PGA4: variants seen among roughly 807,000 people sequenced by gnomAD.
PGA4 encodes the protein pepsinogen A4, also known as pepsin A-4.
For synonymous variants in PGA4, 4 were observed against 8.7 expected (o/e 0.46, Z 0.95); for missense variants, 7 against 20.3 (o/e 0.35, Z 1.26).
rs370061095 is a variant in PGA4, at chr11:61,230,596, T to G, written c.1017+332T>G. The G allele has an allele frequency of 3.2e-3, 978 of 309,118 alleles. 65 individuals are homozygous for G. Among genetic ancestry groups the G allele is most frequent in the African/African-American group, 0.015 (296 of 19,232 alleles). 19.1% of individuals were successfully genotyped at this position (309,118 alleles called of 1,614,324 possible). On this transcript the variant is annotated intron_variant, in intron 8 of 8. Coordinates refer to ENST00000378149, the MANE Select transcript of PGA4 (RefSeq NM_001079808.6). ...ACAGCTCATCTCACCCTCAGTTTTC[T>G]CATCCAAAAAGTAGAGATGGCAGCT... is the stretch of plus-strand genomic sequence containing the variant.
Position 61,230,002 on chromosome 11 carries a change from C to T in PGA4, c.857C>T (p.Pro286Leu). ...ACCGGCACCTCTCTGCTGACCGGCC[C>T]AACCAGCCCCATTGCCAACATCCAG... ...VDTGTSLLTG[P>L]TSPIANIQSD... The change falls in exon 7 of 9, where the codon CCA becomes CTA. Residue 286 changes from proline (P) to leucine (L), a missense_variant. By Grantham distance (98) the Pro-to-Leu change is moderately conservative (BLOSUM62 -3). Coordinates refer to ENST00000378149, the MANE Select transcript of PGA4 (RefSeq NM_001079808.6). 6.3e-6 allele frequency: 1 copy of T among 159,096 alleles called. No homozygotes were observed. Among genetic ancestry groups the T allele is most frequent in the Non-Finnish European group, 9.6e-6 (1 of 103,954 alleles). 9.9% of individuals were successfully genotyped at this position (159,096 alleles called of 1,614,324 possible).
chr11:61,229,778 T>G, intron 6 of PGA4, 141 bp from the exon 7 acceptor site: 2 of 9,684 alleles, frequency 2.1e-4, no homozygotes, highest in South Asian at 1.1e-3. Flanking sequence ...GACGAATGAG[T>G]GCGTGAACGA....
In PGA4 at chr11:61,229,876, A is replaced by AC. The variant is rs1178465651; in HGVS notation, c.774-39dup. The AC allele has an allele frequency of 7.3e-4, 23 of 31,582 alleles. No homozygotes were observed. In the South Asian group the frequency reaches 8.9e-3, roughly 12 times the overall value. The allele number at this position is 31,582 out of a possible 1,614,324, so 2.0% of individuals were successfully genotyped here. ...TCCTAGTTCCTCCTTGGAGAGAAGT[A>AC]CCCCTGAGAGCTCAGGGAGCTTAAC... is the stretch of plus-strand genomic sequence containing the variant. On this transcript the variant is annotated intron_variant, in intron 6 of 8. Coordinates refer to ENST00000378149, the MANE Select transcript of PGA4 (RefSeq NM_001079808.6).
chr11:61,230,431 AT>A, intron 8 of PGA4, 167 bp downstream of exon 8: 1 of 308,150 alleles, frequency 3.2e-6, no homozygotes, highest in Non-Finnish European at 5.4e-6. Flanking sequence ...TTAAAAACAA[AT>A]GCAGGAATAA....
chr11:61,229,779 G>A, intron 6 of PGA4, 140 bp from the exon 7 acceptor site: 2 of 10,140 alleles, frequency 2.0e-4, no homozygotes, highest in South Asian at 1.1e-3. Context: ...ACGAATGAGT[G>A]CGTGAACGAG....
Position 61,230,046 on chromosome 11 carries a change from G to A in PGA4, c.901G>A (p.Glu301Lys), listed in dbSNP as rs1425041043. 3.9e-5 allele frequency: 7 copies of A among 178,712 alleles called. No homozygotes were observed. Among genetic ancestry groups the A allele is most frequent in the Non-Finnish European group, 6.0e-5 (7 of 117,098 alleles). The allele number at this position is 178,712 out of a possible 1,614,324, so 11.1% of individuals were successfully genotyped here. The stretch of plus-strand genomic sequence containing the variant: ...CATCCAGAGCGACATCGGAGCCAGC[G>A]AGAACTCAGATGGCGACGTGAGTCC... ...ANIQSDIGAS[E>K]NSDGDMVVSC... The change falls in exon 7 of 9, where the codon GAG becomes AAG. Residue 301 changes from glutamate (E) to lysine (K), a missense_variant. By Grantham distance (56) the Glu-to-Lys change is moderately conservative (BLOSUM62 1). Transcript: ENST00000378149.
In PGA4 at chr11:61,230,335, C is replaced by G. The variant is rs201335717; in HGVS notation, c.1017+71C>G. The G allele has an allele frequency of 0.021, 11,194 of 523,352 alleles. 1,657 individuals are homozygous for G. The East Asian group carries it at 0.24, about 11-fold the overall frequency. The allele number at this position is 523,352 out of a possible 1,614,324, so 32.4% of individuals were successfully genotyped here. The stretch of plus-strand genomic sequence containing the variant: ...TGGACACAGAGTTCCCCTCTGCAGA[C>G]GGAAAGTACACTTCCACGAGCTGAA... On this transcript the variant is annotated intron_variant, in intron 8 of 8. Coordinates refer to ENST00000378149, the MANE Select transcript of PGA4 (RefSeq NM_001079808.6).
At chr11:61,230,301 C>T (rs1854002093) in intron 8 of PGA4, 37 bp downstream of exon 8, 1 of 358,390 alleles carries the variant, frequency 2.8e-6, no homozygotes, top group Non-Finnish European at 4.5e-6. Context: ...GAGGGGTTCA[C>T]ACAGAATGTG....
intron 8 of PGA4, chr11:61,231,011 T>C: frequency 6.5e-6 from 1 of 153,422 alleles, no homozygotes; most frequent in South Asian, 3.3e-5. Context: ...AGAGGGCTAA[T>C]AGCTCATCTG....
At chr11:61,229,806 C>T in intron 6 of PGA4, 113 bp from the exon 7 acceptor site, 2 of 11,232 alleles carry the variant, frequency 1.8e-4, no homozygotes, top group Admixed American at 8.5e-4. Context: ...AGAAATTTCA[C>T]GCATTGGCCA....
intron 8 of PGA4, chr11:61,230,500 G>C (rs1854003866): frequency 6.6e-6 from 2 of 304,618 alleles, no homozygotes; most frequent in East Asian, 1.0e-4. Context: ...GGAGTGAAAA[G>C]AGGATTCTAT....
chr11:61,230,481 AAGGTT>A (rs1854003719), intron 8 of PGA4: 1 of 303,838 alleles, frequency 3.3e-6, no homozygotes. Flanking sequence ...AAGTGAAGCA[AAGGTT>A]AATGGAGTGA....
chr11:61,230,672 C>CA, intron 8 of PGA4: 1 of 259,352 alleles, frequency 3.9e-6, no homozygotes, highest in Admixed American at 4.6e-5. Flanking sequence ...CTGATCACAT[C>CA]AGAGCTACCA....
intron 7 of PGA4, 34 bp downstream of exon 7, chr11:61,230,097 C>G (rs1274075909): frequency 7.9e-6 from 2 of 254,138 alleles, no homozygotes; most frequent in Non-Finnish European, 1.3e-5. Flanking sequence ...GTTCTACACT[C>G]AAGTAGTGGG....
intron 6 of PGA4, 104 bp from the exon 7 acceptor site, chr11:61,229,815 C>CGTATCATTAAAAAA: frequency 8.1e-5 from 1 of 12,352 alleles, no homozygotes; most frequent in South Asian, 9.2e-4. Context: ...ACGCATTGGC[C>CGTATCATTAAAAAA]AATGGATGGG....
rs1317235649 is a variant in PGA4 at position 61,231,622 on chromosome 11, AG to A, written c.*95del. The A allele has an allele frequency of 1.3e-3, 162 of 122,564 alleles. 1 individual carries two copies. Among genetic ancestry groups the A allele is most frequent in the African/African-American group, 5.2e-3 (157 of 30,300 alleles). The allele number at this position is 122,564 out of a possible 1,614,324, so 7.6% of individuals were successfully genotyped here. On this transcript the variant is annotated 3_prime_UTR_variant, in exon 9 of 9. Transcript: ENST00000378149. ...TCTAATTCTCCTGACTGTTCTTCCC[AG>A]GGGAGTGTGGAGGTCTTGGCCCTGT...
At position 61,230,201 on chromosome 11, in the gene PGA4, C is replaced by G. The variant is rs1448901639; in HGVS notation, c.954C>G (p.Pro318=). ...VVSCSAISSL[P]DIVFTINGVQ... is the part of the protein sequence containing the mutation. ...GCTGCTCAGCCATCAGCAGCCTGCC[C>G]GACATCGTCTTCACCATCAATGGAG... The change falls in exon 8 of 9, where the codon CCC becomes CCG. Residue 318 remains proline (P), a synonymous_variant. Coordinates refer to ENST00000378149, the MANE Select transcript of PGA4 (RefSeq NM_001079808.6). 1 of 398,718 alleles carries G rather than the reference C, an allele frequency of 2.5e-6. No individual in the cohort carries two copies. Among genetic ancestry groups the G allele is most frequent in the East Asian group, 5.5e-5 (1 of 18,132 alleles). 24.7% of individuals were successfully genotyped at this position (398,718 alleles called of 1,614,324 possible). A position where few individuals can be genotyped will look rare whatever the true frequency, so the allele number is the denominator to read the frequency against.
At chr11:61,230,503 G>T (rs1250645205) in intron 8 of PGA4, 1 of 302,380 alleles carries the variant, frequency 3.3e-6, no homozygotes, top group African/African-American at 4.2e-5. Context: ...GTGAAAAGAG[G>T]ATTCTATTTG....
chr11:61,229,530 A>T (rs2134698073), intron 6 of PGA4: 3 of 240 alleles, frequency 0.013, no homozygotes, highest in Non-Finnish European at 0.017. Flanking sequence ...CTGGCATTCC[A>T]GGGTGTCTGT....
Sources: allele counts gnomAD v4.1 joint callset, GRCh38; gene constraint gnomAD v4.1.1; transcripts MANE v1.5; gene names NCBI Gene and HGNC (gene_info 2026-07-23, HGNC 2026-07-21).